TCERG1L: variants seen among roughly 807,000 people sequenced by gnomAD.
TCERG1L encodes the protein transcription elongation regulator 1-like protein.
Under a neutral mutation model 56.3 loss-of-function variants are expected in TCERG1L, and 37 were observed. That is an observed-to-expected ratio of 0.66 (90% CI 0.51 to 0.87). The LOEUF is 0.87. TCERG1L is among the 40% of genes least tolerant of loss of function. The pLI, the probability that TCERG1L is intolerant of heterozygous loss-of-function variation, is 0.00. For missense variants in TCERG1L, 799 were observed against 774.2 expected (o/e 1.03, Z -0.38); for synonymous variants, 324 against 326.3 (o/e 0.99, Z 0.08).
intron 5 of TCERG1L, among the ~76,000 whole-genome samples, chr10:131,164,339 C>T (rs1589733552): frequency 6.6e-6 from 1 of 151,936 alleles, no homozygotes; most frequent in African/African-American, 2.4e-5. Flanking sequence ...AAACAGAGGC[C>T]CACAATTCAG....
intron 4 of TCERG1L, among the ~76,000 whole-genome samples, chr10:131,244,630 C>G (rs765956228): frequency 6.6e-6 from 1 of 152,132 alleles, no homozygotes; most frequent in Non-Finnish European, 1.5e-5. Context: ...GCCAGGACTT[C>G]GGTCTCAGTA....
intron 4 of TCERG1L, among the ~76,000 whole-genome samples, chr10:131,224,992 G>A (rs12416176): frequency 0.086 from 13,029 of 152,146 alleles, 1,169 homozygotes; most frequent in East Asian, 0.24. Context: ...CCTGCCGTGT[G>A]CTGAGCACTG....
chr10:131,291,282 T>G (rs1846618111), intron 3 of TCERG1L, among the ~76,000 whole-genome samples: 1 of 151,916 alleles, frequency 6.6e-6, no homozygotes, highest in African/African-American at 2.4e-5. Context: ...TGATGTAAAC[T>G]TTAGAATAAT....
chr10:131,200,542 T>C (rs940335429), intron 4 of TCERG1L, among the ~76,000 whole-genome samples: 3 of 152,250 alleles, frequency 2.0e-5, no homozygotes, highest in African/African-American at 7.2e-5. Flanking sequence ...TTATCCTATG[T>C]GTGTTCCACC....
chr10:131,164,238 G>A (rs1220512413), intron 5 of TCERG1L: 1 of 151,820 alleles, frequency 6.6e-6, no homozygotes, highest in Non-Finnish European at 1.5e-5. Flanking sequence ...CTATGGTTAG[G>A]ACACTTGATC....
At position 131,146,547 on chromosome 10, in the gene TCERG1L, A is replaced by G; in HGVS notation, c.1148T>C (p.Ile383Thr). ...CTTGCGTTTGTGGGGCGGGTCCTCA[A>G]TGATCCTGTTGAGGTCTCCGCGGTC... ...LKDRGDLNRI[I>T]EDPPHKRKLE... Residue 383 changes from isoleucine (I) to threonine (T), a missense_variant, in exon 7 of 12, where the codon ATT (isoleucine) becomes ACT (threonine). By Grantham distance (89) the Ile-to-Thr change is moderately conservative (BLOSUM62 -1). Coordinates refer to ENST00000368642, the MANE Select transcript of TCERG1L (RefSeq NM_174937.4). The G allele has an allele frequency of 1.2e-6, 2 of 1,613,334 alleles. No homozygotes were observed. The highest frequency in any genetic ancestry group is 1.7e-6 in the Non-Finnish European group (2 of 1,179,504).
chr10:131,140,483 T>G (rs934153750), intron 7 of TCERG1L, among the ~76,000 whole-genome samples: 1 of 152,164 alleles, frequency 6.6e-6, no homozygotes, highest in African/African-American at 2.4e-5. Flanking sequence ...CCCAGAACAG[T>G]TGCACTCAAC....
chr10:131,280,704 T>C (rs1230418798), intron 3 of TCERG1L, among the ~76,000 whole-genome samples: 1 of 150,124 alleles, frequency 6.7e-6, no homozygotes, highest in Non-Finnish European at 1.5e-5. Flanking sequence ...GCCTAAGATG[T>C]GCACACACAC....
intron 4 of TCERG1L, among the ~76,000 whole-genome samples, chr10:131,250,207 C>G (rs1354837947): frequency 6.6e-6 from 1 of 152,174 alleles, no homozygotes; most frequent in East Asian, 1.9e-4. Context: ...TCACCAGACA[C>G]TGAGACTGGC....
At chr10:131,160,693 A>G (rs2944528) in intron 6 of TCERG1L, 147,864 of 152,276 alleles carry the variant, frequency 0.97, 71,901 homozygotes, top group East Asian at 1. Flanking sequence ...TCCACTTCCC[A>G]GTGAGATCAT....
chr10:131,278,373 C>T (rs1589770114), intron 3 of TCERG1L, among the ~76,000 whole-genome samples: 2 of 148,924 alleles, frequency 1.3e-5, no homozygotes, highest in South Asian at 2.2e-4. Context: ...AGTCTTGCTC[C>T]GTCACCCAGG....
intron 3 of TCERG1L, among the ~76,000 whole-genome samples, chr10:131,274,333 C>T (rs890685057): frequency 5.9e-5 from 9 of 152,236 alleles, no homozygotes; most frequent in Non-Finnish European, 1.2e-4. Flanking sequence ...CTGCTCAAGG[C>T]AGCCAGGGCC....
chr10:131,107,049 C>T (rs1329758774), intron 9 of TCERG1L, among the ~76,000 whole-genome samples: 1 of 141,396 alleles, frequency 7.1e-6, no homozygotes, highest in African/African-American at 2.9e-5. Flanking sequence ...TTAGCTTCGA[C>T]TGAGTGCCAT....
intron 3 of TCERG1L, among the ~76,000 whole-genome samples, chr10:131,262,908 T>C (rs2133545723): frequency 6.6e-6 from 1 of 152,260 alleles, no homozygotes; most frequent in East Asian, 1.9e-4. Context: ...GGCCATTCAG[T>C]TGGAACCAAA....
At chr10:131,139,978 T>C (rs1845717705) in intron 7 of TCERG1L, among the ~76,000 whole-genome samples, 1 of 152,206 alleles carries the variant, frequency 6.6e-6, no homozygotes, top group Non-Finnish European at 1.5e-5. Context: ...AATGTCTTCC[T>C]TTCTGTGAGT....
At chr10:131,227,617 C>T (rs1009098665) in intron 4 of TCERG1L, among the ~76,000 whole-genome samples, 1 of 152,236 alleles carries the variant, frequency 6.6e-6, no homozygotes, top group African/African-American at 2.4e-5. Flanking sequence ...CCTGGGTTCT[C>T]TATGGGGCAA....
At chr10:131,161,867 C>G (rs995950888) in intron 6 of TCERG1L, 18 of 152,440 alleles carry the variant, frequency 1.2e-4, no homozygotes, top group African/African-American at 4.3e-4. Context: ...CGGCGAGGCC[C>G]AGAAGCTCAG....
intron 11 of TCERG1L, 107 bp from the exon 12 acceptor site, chr10:131,093,425 C>G (rs959281051): frequency 2.8e-5 from 38 of 1,381,264 alleles, no homozygotes; most frequent in Non-Finnish European, 3.4e-5. Flanking sequence ...TTCCACCAGG[C>G]CTGGCCGTGG....
At position 131,285,465 on chromosome 10, in the gene TCERG1L, GAAGA is replaced by G. The variant is rs1212795487; in HGVS notation, c.670+22742_670+22745del. On this transcript the variant is annotated intron_variant, in intron 3 of 11. Coordinates refer to ENST00000368642, the MANE Select transcript of TCERG1L (RefSeq NM_174937.4). ...AGAAACAAAGAAAGAGAGAGAAAGG[GAAGA>G]AAGAAAGAAAGAAAGAAAGAAAGAA... 8.6e-3 allele frequency among the ~76,000 whole-genome samples: 893 copies of G among 103,970 alleles called. 25 individuals are homozygous for G. The highest frequency in any genetic ancestry group is 0.033 in the African/African-American group (833 of 25,038). The allele number at this position is 103,970 out of a possible 152,430, so 68.2% of individuals were successfully genotyped here.
Sources: allele counts gnomAD v4.1 joint callset (sites outside exome capture counted in the v4.1 genomes callset), GRCh38; gene constraint gnomAD v4.1.1; transcripts MANE v1.5; gene names NCBI Gene and HGNC (gene_info 2026-07-23, HGNC 2026-07-21).